Variants in ST8SIA4 observed in about 807,000 individuals in gnomAD.
ST8SIA4 encodes ST8 alpha-N-acetyl-neuraminide alpha-2,8-sialyltransferase 4, also known as CMP-N-acetylneuraminate-poly-alpha-2,8-sialyltransferase.
ST8SIA4 carries 15 observed loss-of-function variants against 33.9 expected under a neutral mutation model. The observed-to-expected ratio is 0.44, with a 90% CI of 0.30 to 0.68. The LOEUF (loss-of-function observed/expected upper bound fraction) is 0.68, where lower values mean the gene tolerates loss of function less well. ST8SIA4 is among the 30% of genes least tolerant of loss of function. The probability of loss-of-function intolerance (pLI) is 0.10; values close to 1 mark genes in which losing one functional copy is unlikely to be tolerated. For synonymous variants in ST8SIA4, 171 were observed against 151.2 expected, an observed-to-expected ratio of 1.13 and a Z score of -0.96; for missense variants, 321 against 428.0, an observed-to-expected ratio of 0.75 and a Z score of 2.21.
At chr5:100,890,339 T>C (rs191746378) in intron 2 of ST8SIA4, among the ~76,000 whole-genome samples, 13 of 152,034 alleles carry the variant, frequency 8.6e-5, no homozygotes, top group Admixed American at 2.0e-4. Context: ...CTAAATGTCA[T>C]TGGAAGCATA....
At chr5:100,883,873 T>C (rs774723197) in intron 3 of ST8SIA4, among the ~76,000 whole-genome samples, 4 of 152,198 alleles carry the variant, frequency 2.6e-5, no homozygotes, top group Non-Finnish European at 5.9e-5. Flanking sequence ...CCTCTTTTTC[T>C]TTCCAGTCTC....
At chr5:100,873,927 T>G (rs1752251666) in intron 3 of ST8SIA4, among the ~76,000 whole-genome samples, 1 of 152,150 alleles carries the variant, frequency 6.6e-6, no homozygotes, top group Admixed American at 6.6e-5. Context: ...ATGTAAAAAC[T>G]TGAAAGATAA....
chr5:100,878,196 T>C (rs1047791481), intron 3 of ST8SIA4, among the ~76,000 whole-genome samples: 2 of 151,964 alleles, frequency 1.3e-5, no homozygotes, highest in African/African-American at 4.8e-5. Flanking sequence ...TTTTTTTTTT[T>C]AATGGAGTTT....
At chr5:100,817,422 G>A (rs1208422330) in intron 4 of ST8SIA4, among the ~76,000 whole-genome samples, 1 of 152,026 alleles carries the variant, frequency 6.6e-6, no homozygotes, top group East Asian at 1.9e-4. Context: ...TATGTTTTTT[G>A]AGATTCCATC....
chr5:100,813,445 A>C (rs1351549781), intron 4 of ST8SIA4, among the ~76,000 whole-genome samples: 1 of 152,050 alleles, frequency 6.6e-6, no homozygotes, highest in Non-Finnish European at 1.5e-5. Flanking sequence ...GAAATGTGTT[A>C]TGAACTCTTT....
intron 3 of ST8SIA4, among the ~76,000 whole-genome samples, chr5:100,866,743 G>A (rs1752071649): frequency 6.6e-6 from 1 of 152,028 alleles, no homozygotes; most frequent in Non-Finnish European, 1.5e-5. Context: ...CAAACACAGA[G>A]GATGGGTGAC....
rs140115141 is a variant in ST8SIA4, at chr5:100,875,464, C to A, written c.503+10879G>T. Among the ~76,000 whole-genome samples, 542 of 152,292 alleles carry A rather than the reference C, an allele frequency of 3.6e-3. 2 individuals are homozygous for A. The highest frequency in any genetic ancestry group is 0.012 in the African/African-American group (517 of 41,568). On this transcript the variant is annotated intron_variant, in intron 3 of 4. Coordinates refer to ENST00000231461, the MANE Select transcript of ST8SIA4 (RefSeq NM_005668.6). ...GGAACACCTCATTCAGCATTGGAAGCATACCTTAATTTCTCTTTCAAACAT... is the reference window on the plus strand; with the variant it reads ...GGAACACCTCATTCAGCATTGGAAGAATACCTTAATTTCTCTTTCAAACAT...
intron 4 of ST8SIA4, chr5:100,816,501 G>C (rs1328345093): frequency 1.9e-6 from 1 of 526,740 alleles, no homozygotes; most frequent in Non-Finnish European, 3.9e-6. Flanking sequence ...TGGTGCAAAA[G>C]TAACTGCAGT....
chr5:100,813,172 A>G (rs1561381847), intron 4 of ST8SIA4, among the ~76,000 whole-genome samples: 1 of 152,040 alleles, frequency 6.6e-6, no homozygotes, highest in African/African-American at 2.4e-5. Context: ...TAAAACTTTT[A>G]TAAAACTTTC....
At chr5:100,838,918 C>T (rs781589949) in intron 4 of ST8SIA4, among the ~76,000 whole-genome samples, 34 of 152,010 alleles carry the variant, frequency 2.2e-4, no homozygotes, top group Non-Finnish European at 3.5e-4. Context: ...AACACTATGA[C>T]ATCCACATTA....
intron 3 of ST8SIA4, among the ~76,000 whole-genome samples, chr5:100,866,680 C>G (rs534872352): frequency 6.6e-6 from 1 of 151,728 alleles, no homozygotes; most frequent in African/African-American, 2.4e-5. Flanking sequence ...CATAACAACA[C>G]AATGAAGTAG....
At chr5:100,869,490 T>C (rs1009817236) in intron 3 of ST8SIA4, among the ~76,000 whole-genome samples, 2 of 152,190 alleles carry the variant, frequency 1.3e-5, no homozygotes, top group Non-Finnish European at 2.9e-5. Flanking sequence ...GATCTGAATG[T>C]CATCACTTTT....
At chr5:100,858,759 G>A (rs932818579) in intron 3 of ST8SIA4, among the ~76,000 whole-genome samples, 1 of 152,122 alleles carries the variant, frequency 6.6e-6, no homozygotes, top group African/African-American at 2.4e-5. Context: ...TGCTAAATGA[G>A]TATGGTGCTA....
At chr5:100,893,821 A>G (rs1580487328) in intron 2 of ST8SIA4, among the ~76,000 whole-genome samples, 2 of 152,214 alleles carry the variant, frequency 1.3e-5, no homozygotes, top group African/African-American at 4.8e-5. Flanking sequence ...AGGTTTCTTT[A>G]CCAGATCTCT....
intron 2 of ST8SIA4, 61 bp from the exon 3 acceptor site, chr5:100,886,661 G>A: frequency 7.5e-7 from 1 of 1,341,030 alleles, no homozygotes; most frequent in Non-Finnish European, 1.1e-6. Flanking sequence ...AACTGATGGT[G>A]TCATTTACAA....
intron 3 of ST8SIA4, among the ~76,000 whole-genome samples, chr5:100,871,437 C>A (rs1005720059): frequency 6.6e-6 from 1 of 152,162 alleles, no homozygotes; most frequent in South Asian, 2.1e-4. Flanking sequence ...ATCTTCACTA[C>A]ATTTATATCT....
intron 4 of ST8SIA4, among the ~76,000 whole-genome samples, chr5:100,840,269 T>C (rs969388736): frequency 1.3e-5 from 2 of 151,826 alleles, no homozygotes; most frequent in African/African-American, 4.8e-5. Flanking sequence ...TTTAAAGAAA[T>C]CCAAAGCAGA....
chr5:100,854,738 C>T (rs1311659733), intron 4 of ST8SIA4, among the ~76,000 whole-genome samples: 2 of 152,054 alleles, frequency 1.3e-5, no homozygotes, highest in Non-Finnish European at 2.9e-5. Flanking sequence ...ACAAAAATAC[C>T]TTAGCCCAGT....
intron 4 of ST8SIA4, among the ~76,000 whole-genome samples, chr5:100,844,680 C>A (rs1474551138): frequency 3.3e-5 from 5 of 151,962 alleles, no homozygotes; most frequent in African/African-American, 9.7e-5. Context: ...AAACTGGAAA[C>A]TGTAAGAAAC....
Sources: allele counts gnomAD v4.1 joint callset (sites outside exome capture counted in the v4.1 genomes callset), GRCh38; gene constraint gnomAD v4.1.1; transcripts MANE v1.5; gene names NCBI Gene and HGNC (gene_info 2026-07-23, HGNC 2026-07-21).